Variants in PCMTD1 observed in about 807,000 individuals in gnomAD.
PCMTD1 encodes the protein protein-L-isoaspartate O-methyltransferase domain-containing protein 1.
In PCMTD1, 12 loss-of-function variants were observed where a neutral mutation model predicts 37.6. The observed-to-expected ratio is 0.32, with a 90% confidence interval of 0.20 to 0.52. The LOEUF (loss-of-function observed/expected upper bound fraction) is 0.52. Among genes scored for constraint, PCMTD1 ranks in the 20% least tolerant of loss-of-function variants. The pLI is 0.97. For synonymous variants in PCMTD1, 117 were observed against 135.8 expected, an observed-to-expected ratio of 0.86 and a Z score of 0.96; for missense variants, 235 against 421.3, an observed-to-expected ratio of 0.56 and a Z score of 3.87.
At chr8:51,870,494 A>G (rs1490205898) in intron 1 of PCMTD1, 1 of 152,250 alleles carries the variant, frequency 6.6e-6, no homozygotes, top group Non-Finnish European at 1.5e-5. Context: ...AAGAGCATCT[A>G]CTTTACTCTA....
intron 2 of PCMTD1, chr8:51,849,149 G>T (rs536738904): frequency 6.6e-6 from 1 of 152,150 alleles, no homozygotes; most frequent in Non-Finnish European, 1.5e-5. Flanking sequence ...GAGATCTAGG[G>T]TGGTAAGGAA....
At chr8:51,874,416 A>G (rs1478652078) in intron 1 of PCMTD1, among the ~76,000 whole-genome samples, 2 of 109,424 alleles carry the variant, frequency 1.8e-5, no homozygotes, top group Non-Finnish European at 4.9e-5. Context: ...CACACCAGGG[A>G]AAGAATTTCA....
At chr8:51,852,723 G>A (rs2038325978) in intron 2 of PCMTD1, among the ~76,000 whole-genome samples, 1 of 152,194 alleles carries the variant, frequency 6.6e-6, no homozygotes, top group Non-Finnish European at 1.5e-5. Flanking sequence ...TTTCAGCCCT[G>A]TGATTATGTT....
In PCMTD1 at chr8:51,897,767, T is replaced by TCC. The variant is rs1225740806; in HGVS notation, c.-96+1161_-96+1162dup. 2.0e-5 allele frequency among the ~76,000 whole-genome samples: 3 copies of TCC among 152,282 alleles called. No individual in the cohort carries two copies. The East Asian group carries it at 5.8e-4, about 29-fold the overall frequency. On this transcript the variant is annotated intron_variant, in intron 1 of 5. Transcript: ENST00000522514. ...CATGTTTAACAATGAAGAAAAGGCT[T>TCC]CCCCAAGCCTACGTAGATTGGATTC...
At chr8:51,857,902 G>A (rs2038414626) in intron 2 of PCMTD1, among the ~76,000 whole-genome samples, 1 of 152,164 alleles carries the variant, frequency 6.6e-6, no homozygotes, top group Non-Finnish European at 1.5e-5. Context: ...TGAGGCGGGA[G>A]AATCACTTGA....
chr8:51,849,145 T>G (rs577856091), intron 2 of PCMTD1: 31 of 152,110 alleles, frequency 2.0e-4, no homozygotes, highest in Admixed American at 3.9e-4. Context: ...CTAAGAGATC[T>G]AGGGTGGTAA....
upstream of PCMTD1, chr8:51,899,109 C>G (rs1195036612): frequency 6.9e-7 from 1 of 1,450,468 alleles, no homozygotes; most frequent in East Asian, 2.9e-5. Flanking sequence ...GGGGTCCGGG[C>G]ATGCGCAGAG....
Position 51,848,512 on chromosome 8 carries a change from GA to G in PCMTD1, c.308-2750del, listed in dbSNP as rs2038256854. On this transcript the variant is annotated intron_variant, in intron 2 of 5. Coordinates refer to ENST00000522514, the MANE Select transcript of PCMTD1 (RefSeq NM_052937.4). ...GTTCAAACTGCATTATTAACAGAAAGAATCTGAATTTCAAAGTTCTAGGCTC... is the reference window on the plus strand; with the variant it reads ...GTTCAAACTGCATTATTAACAGAAAGATCTGAATTTCAAAGTTCTAGGCTC... Among the ~76,000 whole-genome samples, 3 of 152,258 alleles carry G rather than the reference GA, an allele frequency of 2.0e-5. No homozygotes were observed. The South Asian group carries it at 6.2e-4, about 32-fold the overall frequency.
chr8:51,859,565 A>G (rs1563350461), intron 2 of PCMTD1, among the ~76,000 whole-genome samples: 1 of 152,140 alleles, frequency 6.6e-6, no homozygotes, highest in Non-Finnish European at 1.5e-5. Flanking sequence ...TCCCATGACT[A>G]ATAGAGTAAG....
intron 1 of PCMTD1, among the ~76,000 whole-genome samples, chr8:51,876,459 T>C (rs1033945462): frequency 2.0e-5 from 3 of 152,180 alleles, no homozygotes; most frequent in Admixed American, 6.5e-5. Flanking sequence ...TATGAAGGCC[T>C]AGAATACACA....
At chr8:51,835,782 C>T (rs1269176872) in intron 3 of PCMTD1, among the ~76,000 whole-genome samples, 1 of 152,126 alleles carries the variant, frequency 6.6e-6, no homozygotes, top group Non-Finnish European at 1.5e-5. Flanking sequence ...TATGTGGTAG[C>T]TTACAGAACT....
At chr8:51,898,118 G>GA (rs1355632072) in intron 1 of PCMTD1, among the ~76,000 whole-genome samples, 2 of 151,902 alleles carry the variant, frequency 1.3e-5, no homozygotes, top group East Asian at 3.9e-4. Context: ...ATAAATAGGG[G>GA]AAAAACACTG....
chr8:51,899,068 C>A (rs2039058087), upstream of PCMTD1: 1 of 1,500,338 alleles, frequency 6.7e-7, no homozygotes, highest in Non-Finnish European at 8.8e-7. Context: ...GCGACTGGAG[C>A]AGCCAGAGCC....
chr8:51,873,940 C>CT (rs1232212717), intron 1 of PCMTD1, among the ~76,000 whole-genome samples: 1 of 147,874 alleles, frequency 6.8e-6, no homozygotes, highest in African/African-American at 2.5e-5. Context: ...TTGAGACAGA[C>CT]TCTTGCTCTG....
chr8:51,856,106 A>G (rs544726255), intron 2 of PCMTD1, among the ~76,000 whole-genome samples: 91 of 152,322 alleles, frequency 6.0e-4, no homozygotes, highest in African/African-American at 2.2e-3. Context: ...GCATGAAAAA[A>G]CATTTGAAAA....
chr8:51,830,431 T>G (rs776669501), intron 5 of PCMTD1, among the ~76,000 whole-genome samples: 9 of 152,210 alleles, frequency 5.9e-5, no homozygotes, highest in Non-Finnish European at 1.2e-4. Flanking sequence ...CCACTTCCAG[T>G]CTTCCTGGCA....
rs190304249 is a variant in PCMTD1, at chr8:51,819,937, A to T, written c.*414T>A. 7.4e-3 allele frequency: 1,144 copies of T among 153,864 alleles called. 3 individuals carry two copies. The highest frequency in any genetic ancestry group is 0.014 in the Middle Eastern group (4 of 296). 9.5% of individuals were successfully genotyped at this position (153,864 alleles called of 1,614,324 possible). A position where few individuals can be genotyped will look rare whatever the true frequency, so the allele number is the denominator to read the frequency against. Reference sequence around the variant, plus strand: ...ACAAAGCATTTGACTTCCTTATTAGATAAATGAAGTTTTCATAGAGGAAAT... The same window carrying T: ...ACAAAGCATTTGACTTCCTTATTAGTTAAATGAAGTTTTCATAGAGGAAAT... On this transcript the variant is annotated 3_prime_UTR_variant, in exon 6 of 6. Transcript: ENST00000522514.
At chr8:51,899,126 G>T, upstream of PCMTD1, 1 of 1,395,346 alleles carries the variant, frequency 7.2e-7, no homozygotes, top group Non-Finnish European at 9.3e-7. Flanking sequence ...AGAGAACCAC[G>T]GGCACAGGGG....
At chr8:51,864,360 A>G (rs2038520198) in intron 1 of PCMTD1, among the ~76,000 whole-genome samples, 1 of 152,216 alleles carries the variant, frequency 6.6e-6, no homozygotes, top group African/African-American at 2.4e-5. Context: ...ATCCAGACAG[A>G]AACAGTGGAC....
Sources: gnomAD v4.1 joint callset for allele counts (sites outside exome capture counted in the v4.1 genomes callset) on GRCh38, gnomAD v4.1.1 for gene constraint, MANE v1.5 for transcripts, NCBI Gene and HGNC (gene_info 2026-07-23, HGNC 2026-07-21) for gene names.